Variants in NCOA7 observed in about 807,000 individuals in gnomAD.
NCOA7 encodes 140 kDa estrogen receptor-associated protein.
A neutral mutation model predicts 104.3 loss-of-function variants in NCOA7; 45 were observed. That is an observed-to-expected ratio of 0.43 (90% CI 0.34 to 0.55). The LOEUF (loss-of-function observed/expected upper bound fraction) is 0.55, where lower values mean the gene tolerates loss of function less well. Ranked by LOEUF, NCOA7 falls within the 20% of genes least tolerant of loss-of-function variation. The probability of loss-of-function intolerance (pLI) is 0.02; values close to 1 mark genes in which losing one functional copy is unlikely to be tolerated. For synonymous variants in NCOA7, 398 were observed against 402.3 expected, an observed-to-expected ratio of 0.99 and a Z score of 0.13; for missense variants, 1,041 against 1,119.7, an observed-to-expected ratio of 0.93 and a Z score of 1.00.
At chr6:125,833,803 T>C (rs1436896776) in intron 2 of NCOA7, among the ~76,000 whole-genome samples, 2 of 152,106 alleles carry the variant, frequency 1.3e-5, no homozygotes, top group Non-Finnish European at 2.9e-5. Flanking sequence ...CTTTAAGACA[T>C]ATCCCTGACC....
At chr6:125,871,323 C>A (rs914699964) in intron 3 of NCOA7, among the ~76,000 whole-genome samples, 2 of 152,190 alleles carry the variant, frequency 1.3e-5, no homozygotes, top group African/African-American at 2.4e-5. Context: ...TTTCCCATGG[C>A]AGCTCATGCC....
At chr6:125,914,192 T>A (rs1786840748) in intron 10 of NCOA7, among the ~76,000 whole-genome samples, 1 of 152,210 alleles carries the variant, frequency 6.6e-6, no homozygotes, top group South Asian at 2.1e-4. Context: ...ATTAAAGAAA[T>A]ACAAACAAAC....
intron 1 of NCOA7, among the ~76,000 whole-genome samples, chr6:125,813,254 G>T (rs1014774306): frequency 2.0e-5 from 3 of 152,096 alleles, no homozygotes; most frequent in Admixed American, 6.5e-5. Context: ...TGCAGTGAAG[G>T]GGGTGGGCTG....
intron 2 of NCOA7, among the ~76,000 whole-genome samples, chr6:125,853,399 T>C (rs1480838247): frequency 6.6e-6 from 1 of 152,210 alleles, no homozygotes; most frequent in African/African-American, 2.4e-5. Flanking sequence ...TCTTAATTTC[T>C]TTCCCTTTCC....
chr6:125,864,925 T>C (rs561243232), intron 3 of NCOA7, among the ~76,000 whole-genome samples: 1 of 138,180 alleles, frequency 7.2e-6, no homozygotes, highest in Admixed American at 6.9e-5. Context: ...CTTGATCCAT[T>C]TATGAAAAGA....
intron 13 of NCOA7, among the ~76,000 whole-genome samples, chr6:125,923,771 CACA>C (rs1307386080): frequency 1.3e-5 from 2 of 152,150 alleles, no homozygotes; most frequent in African/African-American, 4.8e-5. Context: ...TACTGTGAAG[CACA>C]ACATTTTTAT....
intron 2 of NCOA7, among the ~76,000 whole-genome samples, chr6:125,831,122 A>G (rs1479345352): frequency 6.6e-6 from 1 of 152,194 alleles, no homozygotes; most frequent in East Asian, 1.9e-4. Flanking sequence ...GTTATCGTTA[A>G]GTATTTCAGT....
intron 5 of NCOA7, 83 bp from the exon 6 acceptor site, chr6:125,881,007 G>C: frequency 1.1e-6 from 1 of 898,142 alleles, no homozygotes; most frequent in Admixed American, 1.7e-5. Context: ...ACATGATACT[G>C]TGTAGAGAAT....
At chr6:125,843,286 A>G (rs1316218462) in intron 2 of NCOA7, among the ~76,000 whole-genome samples, 1 of 152,194 alleles carries the variant, frequency 6.6e-6, no homozygotes, top group African/African-American at 2.4e-5. Context: ...ATATAGCTCT[A>G]GAAGCTGGAA....
intron 3 of NCOA7, among the ~76,000 whole-genome samples, chr6:125,874,168 TA>T (rs1783170131): frequency 2.0e-5 from 3 of 152,122 alleles, no homozygotes; most frequent in African/African-American, 7.2e-5. Context: ...CTACTAAAAA[TA>T]CAAAAATTAG....
upstream of NCOA7, chr6:125,790,839 G>A (rs1583213622): frequency 6.6e-6 from 1 of 152,320 alleles, no homozygotes; most frequent in African/African-American, 2.4e-5. Context: ...CCCCGACTGC[G>A]GCGGCTGCGC....
At chr6:125,872,892 G>T (rs1377601740) in intron 3 of NCOA7, among the ~76,000 whole-genome samples, 1 of 152,138 alleles carries the variant, frequency 6.6e-6, no homozygotes, top group African/African-American at 2.4e-5. Flanking sequence ...ATAGTCTAGA[G>T]GAATGTTCAG....
At chr6:125,821,283 A>G (rs1019412081) in intron 2 of NCOA7, among the ~76,000 whole-genome samples, 66 of 152,198 alleles carry the variant, frequency 4.3e-4, no homozygotes, top group African/African-American at 1.6e-3. Flanking sequence ...TTCATCCCTA[A>G]ATATAATTTG....
At chr6:125,845,081 A>G (rs1780484416) in intron 2 of NCOA7, among the ~76,000 whole-genome samples, 1 of 152,200 alleles carries the variant, frequency 6.6e-6, no homozygotes, top group South Asian at 2.1e-4. Context: ...CGATTCAAAC[A>G]CAAACGTTTC....
At chr6:125,917,082 ACT>A (rs1230563030) in intron 11 of NCOA7, among the ~76,000 whole-genome samples, 1 of 151,898 alleles carries the variant, frequency 6.6e-6, no homozygotes, top group Non-Finnish European at 1.5e-5. Context: ...CTCCTTATTG[ACT>A]CTGCTGATTC....
rs560385777 is a variant in NCOA7 at position 125,830,196 on chromosome 6, G to T, written c.50+14792G>T. Among the ~76,000 whole-genome samples, 3 of 152,260 alleles carry T rather than the reference G, an allele frequency of 2.0e-5. No individual in the cohort carries two copies. In the East Asian group the frequency reaches 5.8e-4, roughly 29 times the overall value. ...TTCCTTGTTACTTCGAATCCATACA[G>T]AATAAATCAAATCCATCTTTCATAT... is the stretch of plus-strand genomic sequence containing the variant. On this transcript the variant is annotated intron_variant, in intron 2 of 15. Coordinates refer to ENST00000392477, the MANE Select transcript of NCOA7 (RefSeq NM_181782.5).
At chr6:125,836,006 T>G (rs969915176) in intron 2 of NCOA7, among the ~76,000 whole-genome samples, 1 of 152,206 alleles carries the variant, frequency 6.6e-6, no homozygotes, top group Non-Finnish European at 1.5e-5. Flanking sequence ...TTTAAAGAAC[T>G]TTCCTACTTG....
In NCOA7 at chr6:125,815,473, GTAT is replaced by G; in HGVS notation, c.50+72_50+74del. 3 of 1,265,404 alleles carry G rather than the reference GTAT, an allele frequency of 2.4e-6. No homozygotes were observed. In the South Asian group the frequency reaches 3.8e-5, roughly 16 times the overall value. The allele number at this position is 1,265,404 out of a possible 1,614,324, so 78.4% of individuals were successfully genotyped here. On this transcript the variant is annotated intron_variant, in intron 2 of 15. Transcript: ENST00000392477. ...ATATTTGAGGGGACTTTGTCCTCAA[GTAT>G]TACTTCGCATTTTGTGTTTTGTGCT...
chr6:125,902,090 G>A (rs1562163148), intron 10 of NCOA7, among the ~76,000 whole-genome samples: 1 of 152,030 alleles, frequency 6.6e-6, no homozygotes, highest in Non-Finnish European at 1.5e-5. Flanking sequence ...AGGGGGTGTG[G>A]CAGGCCAAAA....
Sources: gnomAD v4.1 joint callset for allele counts (sites outside exome capture counted in the v4.1 genomes callset) on GRCh38, gnomAD v4.1.1 for gene constraint, MANE v1.5 for transcripts, NCBI Gene and HGNC (gene_info 2026-07-23, HGNC 2026-07-21) for gene names.